The following TMEM106A variants were observed in gnomAD, a reference collection of about 807,000 sequenced individuals.
TMEM106A encodes the protein transmembrane protein 106A.
TMEM106A carries 22 observed loss-of-function variants against 25.1 expected under a neutral mutation model. The ratio of observed to expected loss-of-function variants is 0.88; its 90% CI spans 0.63 to 1.25. The LOEUF (loss-of-function observed/expected upper bound fraction) is 1.25. TMEM106A is among the 50% of genes most tolerant of loss of function. The pLI is 0.00. For missense variants in TMEM106A, 275 were observed against 318.1 expected, an observed-to-expected ratio of 0.86 and a Z score of 1.03; for synonymous variants, 104 against 129.9, an observed-to-expected ratio of 0.80 and a Z score of 1.35.
rs753592180 is a variant in TMEM106A, at chr17:43,216,521, C to G, written c.502C>G (p.Leu168Val). The change falls in exon 6 of 9, where the codon CTG (leucine) becomes GTG (valine). Residue 168 changes from leucine to valine, a missense_variant. Coordinates refer to ENST00000612339, the MANE Select transcript of TMEM106A (RefSeq NM_145041.4). ...ACAGCTGACCCTCGAGGTTCTGCAC[C>G]TGTCCCTCGTGGTGGGGCAGGTTTC... ...VTQLTLEVLH[L>V]SLVVGQVSNN... 1.2e-6 allele frequency: 2 copies of G among 1,614,118 alleles called. No individual in the cohort carries two copies. Among genetic ancestry groups the G allele is most frequent in the African/African-American group, 1.3e-5 (1 of 74,936 alleles).
At position 43,216,541 on chromosome 17, in the gene TMEM106A, G is replaced by T; in HGVS notation, c.522G>T (p.Gln174His). ...TGCACCTGTCCCTCGTGGTGGGGCA[G>T]GTTTCCAACAACCTTCTCCTACACA... is the stretch of plus-strand genomic sequence containing the variant. ...EVLHLSLVVG[Q>H]VSNNLLLHIG... Residue 174 changes from glutamine (Q) to histidine (H), a missense_variant, in exon 6 of 9, where the codon CAG (glutamine) becomes CAT (histidine). Coordinates refer to ENST00000612339, the MANE Select transcript of TMEM106A (RefSeq NM_145041.4). The T allele has an allele frequency of 6.2e-7, 1 of 1,614,220 alleles. No individual in the cohort carries two copies. The highest frequency in any genetic ancestry group is 8.5e-7 in the Non-Finnish European group (1 of 1,180,050).
In TMEM106A at chr17:43,219,561, G is replaced by C. The variant is rs1322996942; in HGVS notation, c.*1760G>C. 2 of 149,978 alleles carry C rather than the reference G, an allele frequency of 1.3e-5. No homozygotes were observed. Among genetic ancestry groups the C allele is most frequent in the Non-Finnish European group, 3.0e-5 (2 of 67,662 alleles). The allele number at this position is 149,978 out of a possible 1,614,324, so 9.3% of individuals were successfully genotyped here. On this transcript the variant is annotated 3_prime_UTR_variant, in exon 9 of 9. Coordinates refer to ENST00000612339, the MANE Select transcript of TMEM106A (RefSeq NM_145041.4). ...TTAACATGAGCAGCAACATTAGCAA[G>C]ACCCCGTTTAAAAAAAAAAAAAGAG...
In TMEM106A at chr17:43,217,791, A is replaced by C; in HGVS notation, c.779A>C (p.His260Pro). Residue 260 changes from histidine (H) to proline (P), a missense_variant, in exon 9 of 9, where the codon CAC becomes CCC. His to Pro is a moderately conservative substitution (Grantham distance 77). Transcript: ENST00000612339. ...NASVPHQLTP[H>P]PP ...TCTGTGCCCCACCAGCTGACCCCTCACCCACCATGACCTGTCTGCTGTCCC... is the reference window on the plus strand; with the variant it reads ...TCTGTGCCCCACCAGCTGACCCCTCCCCCACCATGACCTGTCTGCTGTCCC... The C allele has an allele frequency of 6.2e-7, 1 of 1,613,980 alleles. No homozygotes were observed. The highest frequency in any genetic ancestry group is 2.2e-5 in the East Asian group (1 of 44,864).
intron 5 of TMEM106A, 82 bp downstream of exon 5, chr17:43,216,023 A>T (rs1035322102): frequency 2.4e-5 from 38 of 1,554,418 alleles, no homozygotes; most frequent in Non-Finnish European, 3.2e-5. Context: ...GACCCTGGGC[A>T]TGGGAAGCCA....
intron 3 of TMEM106A, among the ~76,000 whole-genome samples, chr17:43,213,469 G>T (rs1427696263): frequency 6.6e-6 from 1 of 152,168 alleles, no homozygotes; most frequent in African/African-American, 2.4e-5. Context: ...AGCCCCTTGT[G>T]GGAAAGAAGG....
chr17:43,213,237 G>A lies in TMEM106A; in HGVS notation c.196G>A (p.Gly66Ser), dbSNP rs371697355. The A allele has an allele frequency of 6.2e-7, 1 of 1,614,074 alleles. No homozygotes were observed. Among genetic ancestry groups the A allele is most frequent in the African/African-American group, 1.3e-5 (1 of 74,930 alleles). The stretch of plus-strand genomic sequence containing the variant: ...GACTTGTCCCACCTGCCAGGGCAGT[G>A]GCAAGATTCCCCAAGGTGAGTGGCC... The part of the protein sequence containing the change: ...FVTCPTCQGS[G>S]KIPQELEKQL... The change falls in exon 3 of 9, where the codon GGC becomes AGC. Residue 66 changes from glycine (G) to serine (S), a missense_variant. Gly to Ser is a moderately conservative substitution (Grantham distance 56). Transcript: ENST00000612339.
At chr17:43,216,622 C>G in intron 6 of TMEM106A, 33 bp downstream of exon 6, 1 of 1,614,184 alleles carries the variant, frequency 6.2e-7, no homozygotes, top group South Asian at 1.1e-5. Flanking sequence ...GCCCTGCCCA[C>G]TGGTGTGTGG....
chr17:43,217,066 G>A (rs1247848034), intron 7 of TMEM106A, 193 bp from the exon 8 acceptor site: 3 of 662,606 alleles, frequency 4.5e-6, no homozygotes, highest in African/African-American at 3.6e-5. Context: ...GTGAGTGGAG[G>A]TCAGAGTGAT....
rs3051096 is a variant in TMEM106A at position 43,219,732 on chromosome 17, CAA to C, written c.*1949_*1950del. The C allele has an allele frequency of 1.9e-3, 205 of 110,166 alleles. 1 individual carries two copies. The highest frequency in any genetic ancestry group is 0.018 in the Middle Eastern group (4 of 228). The allele number at this position is 110,166 out of a possible 1,614,324, so 6.8% of individuals were successfully genotyped here. On this transcript the variant is annotated 3_prime_UTR_variant, in exon 9 of 9. Transcript: ENST00000612339. The stretch of plus-strand genomic sequence containing the variant: ...GGGCAACAAGGGCGAGACTCTGTCT[CAA>C]AAAAAAAAAAAAAAAAAGATGGCTG...
chr17:43,216,354 G>A, intron 5 of TMEM106A, 95 bp from the exon 6 acceptor site: 2 of 1,510,006 alleles, frequency 1.3e-6, no homozygotes, highest in Non-Finnish European at 1.8e-6. Context: ...CATGGTAGAT[G>A]GGGCTCAGGC....
chr17:43,217,438 G>C (rs1170226412), intron 8 of TMEM106A, 126 bp downstream of exon 8: 2 of 1,333,766 alleles, frequency 1.5e-6, no homozygotes, highest in African/African-American at 2.9e-5. Context: ...CTTGGGAATA[G>C]CAAGTCTAGC....
chr17:43,217,906 G>A lies in TMEM106A; in HGVS notation c.*105G>A. ...CTACAGAGGCTTTGCCAAAGGAGAA[G>A]CCCTGCCTCATCACACCCTTACCTC... On this transcript the variant is annotated 3_prime_UTR_variant, in exon 9 of 9. Coordinates refer to ENST00000612339, the MANE Select transcript of TMEM106A (RefSeq NM_145041.4). The A allele has an allele frequency of 6.5e-7, 1 of 1,545,214 alleles. No homozygotes were observed.
Position 43,216,481 on chromosome 17 carries a change from C to T in TMEM106A, c.462C>T (p.Tyr154=). The change falls in exon 6 of 9, where the codon TAC becomes TAT. Residue 154 remains tyrosine (Y), a synonymous_variant. Coordinates refer to ENST00000612339, the MANE Select transcript of TMEM106A (RefSeq NM_145041.4). The part of the protein sequence containing the change: ...NILNISNGNY[Y]PIMVTQLTLE... ...TAAACATCTCCAATGGCAACTACTACCCCATTATGGTGACACAGCTGACCC... is the reference window on the plus strand; with the variant it reads ...TAAACATCTCCAATGGCAACTACTATCCCATTATGGTGACACAGCTGACCC... The T allele has an allele frequency of 6.2e-7, 1 of 1,614,236 alleles. No homozygotes were observed. The highest frequency in any genetic ancestry group is 1.1e-5 in the South Asian group (1 of 91,092).
chr17:43,213,935 G>A, intron 4 of TMEM106A, 44 bp downstream of exon 4: 3 of 1,588,374 alleles, frequency 1.9e-6, no homozygotes, highest in South Asian at 1.1e-5. Context: ...CATTGCCCCT[G>A]GGGGCTGCTC....
chr17:43,217,382 A>T (rs747211557), intron 8 of TMEM106A, 70 bp downstream of exon 8: 170 of 1,540,082 alleles, frequency 1.1e-4, no homozygotes, highest in Non-Finnish European at 1.5e-4. Flanking sequence ...GCTACACCTC[A>T]TGGGCAGAGA....
chr17:43,214,824 G>C (rs532184784), intron 4 of TMEM106A, among the ~76,000 whole-genome samples: 1 of 152,160 alleles, frequency 6.6e-6, no homozygotes, highest in South Asian at 2.1e-4. Flanking sequence ...TCTGGGCGTG[G>C]TGGCAGACAC....
At chr17:43,212,956 AC>A (rs1173937899) in intron 2 of TMEM106A, 64 bp from the exon 3 acceptor site, 2 of 1,390,320 alleles carry the variant, frequency 1.4e-6, no homozygotes, top group Non-Finnish European at 2.0e-6. Flanking sequence ...AGAACTTCAA[AC>A]CAAAATTACA....
intron 3 of TMEM106A, 57 bp from the exon 4 acceptor site, chr17:43,213,771 A>T: frequency 6.4e-7 from 1 of 1,567,530 alleles, no homozygotes; most frequent in Non-Finnish European, 8.8e-7. Flanking sequence ...AAGCTGGCAC[A>T]GTAAATATTT....
intron 8 of TMEM106A, 72 bp downstream of exon 8, chr17:43,217,384 G>T: frequency 6.5e-7 from 1 of 1,546,526 alleles, no homozygotes; most frequent in Non-Finnish European, 8.9e-7. Context: ...TACACCTCAT[G>T]GGCAGAGAGT....
Sources: gnomAD v4.1 joint callset for allele counts (sites outside exome capture counted in the v4.1 genomes callset) on GRCh38, gnomAD v4.1.1 for gene constraint, MANE v1.5 for transcripts, NCBI Gene and HGNC (gene_info 2026-07-23, HGNC 2026-07-21) for gene names.